GRIP1: variants seen among roughly 807,000 people sequenced by gnomAD.
GRIP1 encodes glutamate receptor interacting protein 1.
In GRIP1, 45 loss-of-function variants were observed where a neutral mutation model predicts 129.9. That is an observed-to-expected ratio of 0.35 (90% CI 0.27 to 0.44). The LOEUF is 0.44. Ranked by LOEUF, GRIP1 falls within the 20% of genes least tolerant of loss-of-function variation. The pLI, the probability that GRIP1 is intolerant of heterozygous loss-of-function variation, is 1.00. For missense variants in GRIP1, 1,196 were observed against 1,396.8 expected (o/e 0.86, Z 2.29); for synonymous variants, 530 against 520.8 (o/e 1.02, Z -0.24).
chr12:66,503,227 A>C (rs1405359677), intron 7 of GRIP1, among the ~76,000 whole-genome samples: 1 of 152,128 alleles, frequency 6.6e-6, no homozygotes, highest in Non-Finnish European at 1.5e-5. Context: ...GGGCGAGTGA[A>C]CCGGGCACGT....
At chr12:66,370,718 A>G (rs1461763614) in intron 23 of GRIP1, among the ~76,000 whole-genome samples, 2 of 152,214 alleles carry the variant, frequency 1.3e-5, no homozygotes, top group African/African-American at 4.8e-5. Context: ...TAGAAAAGGA[A>G]ACTAGACCTC....
chr12:66,909,929 C>T (rs2137307504), intron 1 of GRIP1, among the ~76,000 whole-genome samples: 1 of 152,254 alleles, frequency 6.6e-6, no homozygotes, highest in Non-Finnish European at 1.5e-5. Flanking sequence ...GGACAGCATC[C>T]AAACTATCTC....
intron 15 of GRIP1, among the ~76,000 whole-genome samples, chr12:66,410,249 C>CAAAAAAAAAAA (rs1177155122): frequency 4.2e-5 from 2 of 47,430 alleles, no homozygotes; most frequent in African/African-American, 9.3e-5. Context: ...GACTCCGTCT[C>CAAAAAAAAAAA]AAAAAAAAAA....
At chr12:66,875,142 T>C (rs946139906) in intron 1 of GRIP1, among the ~76,000 whole-genome samples, 28 of 152,214 alleles carry the variant, frequency 1.8e-4, no homozygotes, top group African/African-American at 5.8e-4. Context: ...TAATATATCA[T>C]TGTTAGGTCA....
chr12:67,053,185 T>C (rs1487138311), intron 1 of GRIP1, among the ~76,000 whole-genome samples: 1 of 152,146 alleles, frequency 6.6e-6, no homozygotes, highest in Non-Finnish European at 1.5e-5. Flanking sequence ...ATTTAATGAA[T>C]GCCTGAGGAA....
chr12:66,655,499 G>A (rs10784574), intron 1 of GRIP1, among the ~76,000 whole-genome samples: 74,805 of 151,794 alleles, frequency 0.49, 19,500 homozygotes, highest in East Asian at 0.67. Flanking sequence ...AAAGTCCACA[G>A]TTTACAGTAG....
In GRIP1 at chr12:67,056,093, G is replaced by C. The variant is rs574375225; in HGVS notation, c.58+12957C>G. 8.5e-5 allele frequency among the ~76,000 whole-genome samples: 13 copies of C among 152,236 alleles called. No individual in the cohort carries two copies. In the South Asian group the frequency reaches 2.5e-3, roughly 29 times the overall value. Reference sequence around the variant, plus strand: ...GAGTTCTTGATAGTATAGTAGAAGGGGGGATAAGGGATCCAAAAAGGAGCC... The same window carrying C: ...GAGTTCTTGATAGTATAGTAGAAGGCGGGATAAGGGATCCAAAAAGGAGCC... On this transcript the variant is annotated intron_variant, in intron 1 of 1. Transcript: ENST00000643019.
At chr12:66,804,656 A>G (rs1341751179), upstream of GRIP1, among the ~76,000 whole-genome samples, 4 of 152,196 alleles carry the variant, frequency 2.6e-5, no homozygotes, top group Admixed American at 6.5e-5. Context: ...GGGGAAACAC[A>G]TTAGTCAATG....
At position 66,377,002 on chromosome 12, in the gene GRIP1, A is replaced by G; in HGVS notation, c.2778+15T>C. On this transcript the variant is annotated intron_variant, in intron 22 of 24. Transcript: ENST00000359742. ...CAGCTTCACAAGCAAAAATATAAAC[A>G]TAAAGGGTAGCTACCAAGAGAGTCA... 6.3e-7 allele frequency: 1 copy of G among 1,595,086 alleles called. No individual in the cohort carries two copies. Among genetic ancestry groups the G allele is most frequent in the South Asian group, 1.1e-5 (1 of 90,658 alleles).
chr12:66,950,306 C>T (rs935928575), intron 1 of GRIP1, among the ~76,000 whole-genome samples: 16 of 152,110 alleles, frequency 1.1e-4, no homozygotes, highest in African/African-American at 1.7e-4. Flanking sequence ...TTTATACTAA[C>T]GTACAATTTA....
In GRIP1 at chr12:66,704,351, A is replaced by T. The variant is rs114964004; in HGVS notation, c.-419-74015T>A. ...AAGCTAATGTTAAAAATTCAAATGT[A>T]ATCAGAATTGTAAAGAATTTTATAT... On this transcript the variant is annotated intron_variant, in intron 1 of 4. Coordinates refer to the GRIP1 transcript ENST00000538373. 2.9e-3 allele frequency among the ~76,000 whole-genome samples: 441 copies of T among 152,166 alleles called. 1 individual carries two copies. Among genetic ancestry groups the T allele is most frequent in the African/African-American group, 0.01 (423 of 41,574 alleles).
chr12:66,483,658 T>C (rs943642090), intron 7 of GRIP1, among the ~76,000 whole-genome samples: 2 of 152,320 alleles, frequency 1.3e-5, no homozygotes, highest in East Asian at 3.9e-4. Flanking sequence ...GCTTATTAGG[T>C]AATAGTATTT....
intron 19 of GRIP1, among the ~76,000 whole-genome samples, chr12:66,388,001 A>C (rs1160101552): frequency 2.0e-5 from 3 of 152,190 alleles, no homozygotes; most frequent in African/African-American, 7.2e-5. Context: ...TCATGCATCC[A>C]ACTTAAGTCA....
At position 67,032,370 on chromosome 12, in the gene GRIP1, C is replaced by T. The variant is rs182711973; in HGVS notation, c.58+36680G>A. Among the ~76,000 whole-genome samples, 348 of 152,294 alleles carry T rather than the reference C, an allele frequency of 2.3e-3. 2 individuals are homozygous for T. In the Middle Eastern group the frequency reaches 0.027, roughly 12 times the overall value. On this transcript the variant is annotated intron_variant, in intron 1 of 1. Transcript: ENST00000643019. The stretch of plus-strand genomic sequence containing the variant: ...CCTAGGAAAATCTATTGCCTTTATG[C>T]TTCTTCCCCAACTGTCTCTAATTTC...
chr12:66,362,117 T>TG, intron 23 of GRIP1, among the ~76,000 whole-genome samples: 1 of 148,222 alleles, frequency 6.7e-6, no homozygotes, highest in Non-Finnish European at 1.5e-5. Context: ...AGACATGCCC[T>TG]GGGCTAGAGT....
chr12:66,695,038 G>A (rs945627199), intron 1 of GRIP1, among the ~76,000 whole-genome samples: 15 of 152,172 alleles, frequency 9.9e-5, no homozygotes, highest in Admixed American at 9.8e-4. Context: ...AAATAAGGAA[G>A]AAAGCTTTTT....
chr12:66,739,552 G>A (rs1309742840), intron 1 of GRIP1, among the ~76,000 whole-genome samples: 1 of 152,042 alleles, frequency 6.6e-6, no homozygotes, highest in East Asian at 1.9e-4. Flanking sequence ...TTAGTGAGGG[G>A]AGCATTTAAT....
chr12:66,414,024 T>C (rs1018713620), intron 15 of GRIP1, among the ~76,000 whole-genome samples: 1 of 152,118 alleles, frequency 6.6e-6, no homozygotes, highest in Non-Finnish European at 1.5e-5. Flanking sequence ...AGCATTCACC[T>C]TGAAAACTAG....
At chr12:66,595,998 T>A in intron 2 of GRIP1, among the ~76,000 whole-genome samples, 1 of 152,244 alleles carries the variant, frequency 6.6e-6, no homozygotes, top group South Asian at 2.1e-4. Context: ...TCTCCTGAAT[T>A]GCTAAAACTA....
Sources: allele counts gnomAD v4.1 joint callset (sites outside exome capture counted in the v4.1 genomes callset), GRCh38; gene constraint gnomAD v4.1.1; transcripts MANE v1.5; gene names NCBI Gene and HGNC (gene_info 2026-07-23, HGNC 2026-07-21).